The following NGEF variants were observed in gnomAD, a reference collection of about 807,000 sequenced individuals.
NGEF encodes ephexin-1.
NGEF carries 31 observed loss-of-function variants against 80.9 expected under a neutral mutation model. The observed-to-expected ratio is 0.38, with a 90% CI of 0.29 to 0.52. NGEF has a LOEUF of 0.52. Among genes scored for constraint, NGEF ranks in the 20% least tolerant of loss-of-function variants. NGEF has a pLI of 0.84. For synonymous variants in NGEF, 371 were observed against 370.2 expected, an observed-to-expected ratio of 1.00 and a Z score of -0.03; for missense variants, 709 against 926.2, an observed-to-expected ratio of 0.77 and a Z score of 3.04.
chr2:232,950,770 T>A (rs1262538772), intron 3 of NGEF, among the ~76,000 whole-genome samples: 2 of 152,200 alleles, frequency 1.3e-5, no homozygotes, highest in Admixed American at 1.3e-4. Flanking sequence ...CACCACTGCC[T>A]GTCTCTCAAC....
chr2:232,964,352 C>T (rs1443128903), intron 3 of NGEF, among the ~76,000 whole-genome samples: 3 of 152,120 alleles, frequency 2.0e-5, no homozygotes, highest in East Asian at 3.8e-4. Flanking sequence ...TATCCATCAA[C>T]AGAAGGGTAG....
In NGEF at chr2:232,879,172, C is replaced by G; in HGVS notation, c.*317G>C. Reference sequence around the variant, plus strand: ...GGGAGCCTCTTCCAGTCCCTGGGGGCCAGGGGCATGGGGGGCCCTGGAGTG... The same window carrying G: ...GGGAGCCTCTTCCAGTCCCTGGGGGGCAGGGGCATGGGGGGCCCTGGAGTG... On this transcript the variant is annotated 3_prime_UTR_variant, in exon 15 of 15. Coordinates refer to ENST00000264051, the MANE Select transcript of NGEF (RefSeq NM_019850.3). The G allele has an allele frequency of 4.0e-6, 1 of 249,550 alleles. No individual in the cohort carries two copies. 15.5% of individuals were successfully genotyped at this position (249,550 alleles called of 1,614,324 possible).
intron 3 of NGEF, among the ~76,000 whole-genome samples, chr2:232,947,126 A>G (rs946246740): frequency 6.6e-6 from 1 of 152,232 alleles, no homozygotes; most frequent in Non-Finnish European, 1.5e-5. Flanking sequence ...CAGATAACTT[A>G]TTAGTAGCAA....
chr2:232,950,451 C>A (rs576293682), intron 3 of NGEF, among the ~76,000 whole-genome samples: 1 of 152,004 alleles, frequency 6.6e-6, no homozygotes, highest in South Asian at 2.1e-4. Flanking sequence ...GACCCCCCAC[C>A]CCCAAATCCC....
chr2:232,961,816 G>A (rs761549586), intron 3 of NGEF, among the ~76,000 whole-genome samples: 4 of 152,156 alleles, frequency 2.6e-5, no homozygotes, highest in Non-Finnish European at 4.4e-5. Flanking sequence ...AGTCCCCAGT[G>A]GCTGTGTGGC....
intron 3 of NGEF, among the ~76,000 whole-genome samples, chr2:232,951,490 A>T (rs1218620405): frequency 2.0e-5 from 3 of 152,152 alleles, no homozygotes; most frequent in Non-Finnish European, 4.4e-5. Flanking sequence ...ACTTGGCAAA[A>T]ATGGAGCATG....
intron 1 of NGEF, among the ~76,000 whole-genome samples, chr2:232,993,086 AATAT>A (rs1462797224): frequency 8.9e-6 from 1 of 111,738 alleles, no homozygotes; most frequent in African/African-American, 3.3e-5. Flanking sequence ...TATACGGGCA[AATAT>A]ATATATAAAT....
intron 8 of NGEF, among the ~76,000 whole-genome samples, chr2:232,889,421 C>G (rs1374440528): frequency 6.6e-6 from 1 of 152,208 alleles, no homozygotes; most frequent in East Asian, 1.9e-4. Context: ...ACCCCTTTCT[C>G]TGAGCCCTTC....
intron 1 of NGEF, among the ~76,000 whole-genome samples, chr2:232,979,942 T>C (rs984781513): frequency 6.6e-6 from 1 of 151,952 alleles, no homozygotes; most frequent in Admixed American, 6.6e-5. Flanking sequence ...TGATAATTAC[T>C]CCACTTTATA....
Position 232,885,277 on chromosome 2 carries a change from C to T in NGEF, c.1437+3G>A. On this transcript the variant is annotated splice_donor_region_variant and intron_variant, in intron 10 of 14. Transcript: ENST00000264051. ...CAGGCTCACACCAATCCCACCGGTT[C>T]ACCTTGATCTTGAACTCCATCTTCT... The T allele has an allele frequency of 1.2e-6, 2 of 1,613,584 alleles. No individual in the cohort carries two copies. Among genetic ancestry groups the T allele is most frequent in the South Asian group, 1.1e-5 (1 of 91,068 alleles).
chr2:233,010,918 C>T (rs866939624), intron 1 of NGEF, among the ~76,000 whole-genome samples: 50 of 152,016 alleles, frequency 3.3e-4, no homozygotes, highest in Admixed American at 3.9e-4. Context: ...AGGAATTTTT[C>T]CTGAGGCCCA....
intron 3 of NGEF, among the ~76,000 whole-genome samples, chr2:232,966,940 T>G (rs559401934): frequency 1.3e-5 from 2 of 152,180 alleles, no homozygotes; most frequent in African/African-American, 4.8e-5. Flanking sequence ...TACAGTGTTG[T>G]TCTTGGCTCT....
At position 232,993,133 on chromosome 2, in the gene NGEF, T is replaced by A. The variant is rs1336622318; in HGVS notation, c.-74-18169A>T. On this transcript the variant is annotated intron_variant, in intron 1 of 14. Transcript: ENST00000264051. ...TATATATATATAAATAAATATATAT[T>A]TATTTATATATATATGGGCAAATAT... Among the ~76,000 whole-genome samples the A allele has an allele frequency of 1.1e-3, 36 of 33,524 alleles. 1 individual carries two copies. Among genetic ancestry groups the A allele is most frequent in the African/African-American group, 3.8e-3 (25 of 6,538 alleles). The allele number at this position is 33,524 out of a possible 152,430, so 22.0% of individuals were successfully genotyped here.
chr2:232,998,301 G>C (rs1023915697), intron 1 of NGEF, among the ~76,000 whole-genome samples: 53 of 152,140 alleles, frequency 3.5e-4, no homozygotes, highest in Admixed American at 1.9e-3. Flanking sequence ...TCACACAGCT[G>C]GTAAGTGGCT....
At chr2:232,887,364 G>T (rs551578874) in intron 9 of NGEF, among the ~76,000 whole-genome samples, 2 of 152,296 alleles carry the variant, frequency 1.3e-5, no homozygotes, top group African/African-American at 4.8e-5. Context: ...AGGAGGAGCC[G>T]TCTCTCTCTG....
chr2:232,987,169 G>A (rs907619216), intron 1 of NGEF, among the ~76,000 whole-genome samples: 3 of 151,812 alleles, frequency 2.0e-5, no homozygotes, highest in African/African-American at 4.8e-5. Flanking sequence ...GGCACGTGCC[G>A]CCACGCCTGG....
At chr2:232,997,908 C>T (rs1419085234) in intron 1 of NGEF, among the ~76,000 whole-genome samples, 1 of 152,162 alleles carries the variant, frequency 6.6e-6, no homozygotes, top group African/African-American at 2.4e-5. Flanking sequence ...CACAGGTGGC[C>T]GTGGGTGATC....
At chr2:232,905,366 G>C (rs1221854288) in intron 5 of NGEF, among the ~76,000 whole-genome samples, 1 of 152,262 alleles carries the variant, frequency 6.6e-6, no homozygotes, top group Non-Finnish European at 1.5e-5. Flanking sequence ...GGCCTCCCGA[G>C]GTGCCAGGAT....
intron 1 of NGEF, among the ~76,000 whole-genome samples, chr2:232,998,893 T>C (rs1387218649): frequency 6.6e-6 from 1 of 152,202 alleles, no homozygotes; most frequent in African/African-American, 2.4e-5. Context: ...GCATATCTAG[T>C]TCATGGTATG....
Sources: gnomAD v4.1 joint callset for allele counts (sites outside exome capture counted in the v4.1 genomes callset) on GRCh38, gnomAD v4.1.1 for gene constraint, MANE v1.5 for transcripts, NCBI Gene and HGNC (gene_info 2026-07-23, HGNC 2026-07-21) for gene names.